Variants in ZC3H11A observed in about 807,000 individuals in gnomAD.
ZC3H11A encodes zinc finger CCCH-type containing 11A, also known as zinc finger CCCH domain-containing protein 11A.
ZC3H11A carries 22 observed loss-of-function variants against 90.8 expected under a neutral mutation model. The observed-to-expected ratio is 0.24, with a 90% CI of 0.17 to 0.35. The LOEUF (loss-of-function observed/expected upper bound fraction) is 0.35, where lower values mean the gene tolerates loss of function less well. Ranked by LOEUF, ZC3H11A falls within the 10% of genes least tolerant of loss-of-function variation. The probability of loss-of-function intolerance (pLI) is 1.00; values close to 1 mark genes in which losing one functional copy is unlikely to be tolerated. For missense variants in ZC3H11A, 701 were observed against 964.9 expected (o/e 0.73, Z 3.62); for synonymous variants, 294 against 339.8 (o/e 0.87, Z 1.48).
At chr1:203,805,136 A>G (rs1671861558) in intron 2 of ZC3H11A, among the ~76,000 whole-genome samples, 1 of 131,826 alleles carries the variant, frequency 7.6e-6, no homozygotes. Flanking sequence ...CTTCTGATAC[A>G]GTAGTGATTT....
intron 4 of ZC3H11A, among the ~76,000 whole-genome samples, chr1:203,821,569 C>G (rs1678711470): frequency 6.6e-6 from 1 of 152,158 alleles, no homozygotes; most frequent in South Asian, 2.1e-4. Flanking sequence ...CTGTACTTTT[C>G]CTACTTCAGC....
In ZC3H11A at chr1:203,847,549, C is replaced by T. The variant is rs1688216375; in HGVS notation, c.1408C>T (p.His470Tyr). Residue 470 changes from histidine (H) to tyrosine (Y), a missense_variant, in exon 13 of 18, where the codon CAC becomes TAC. This residue lies in a region of ZC3H11A where 530 missense variants were observed against 696.2 expected (regional missense o/e 0.76). Coordinates refer to ENST00000367210, the MANE Select transcript of ZC3H11A (RefSeq NM_001376342.1). ...TAAAACAAAGTCTATGCAGGAGGTG[C>T]ACATCAAGACGCTGGAAGAAATTAA... ...AGKTKSMQEV[H>Y]IKTLEEIKLE... 2 of 1,613,778 alleles carry T rather than the reference C, an allele frequency of 1.2e-6. No homozygotes were observed. Among genetic ancestry groups the T allele is most frequent in the Admixed American group, 1.7e-5 (1 of 59,992 alleles).
chr1:203,834,492 C>T (rs1683558964), intron 10 of ZC3H11A, among the ~76,000 whole-genome samples: 1 of 151,830 alleles, frequency 6.6e-6, no homozygotes, highest in East Asian at 1.9e-4. Flanking sequence ...GGCTGGTCTC[C>T]AACTCCTGGG....
chr1:203,796,757 CTA>C (rs1180077005), intron 1 of ZC3H11A: 3 of 294,724 alleles, frequency 1.0e-5, no homozygotes, highest in Non-Finnish European at 1.9e-5. Context: ...TATCTGAAAA[CTA>C]AACTTGAATT....
At chr1:203,813,679 G>A (rs1450327610) in intron 2 of ZC3H11A, among the ~76,000 whole-genome samples, 1 of 152,078 alleles carries the variant, frequency 6.6e-6, no homozygotes, top group Non-Finnish European at 1.5e-5. Context: ...AATGTTTTCA[G>A]CAGGGCCATT....
intron 15 of ZC3H11A, 102 bp downstream of exon 15, chr1:203,850,128 T>C: frequency 9.7e-7 from 1 of 1,033,722 alleles, no homozygotes; most frequent in Non-Finnish European, 1.4e-6. Context: ...TTGAATTTCA[T>C]TTGCCTTCTA....
At chr1:203,845,030 G>C (rs984929339) in intron 12 of ZC3H11A, among the ~76,000 whole-genome samples, 2 of 152,062 alleles carry the variant, frequency 1.3e-5, no homozygotes, top group African/African-American at 2.4e-5. Context: ...GGTTATGTCA[G>C]ATCCCACCGT....
rs373918473 is a variant in ZC3H11A, at chr1:203,835,045, C to G, written c.874+1192C>G. Among the ~76,000 whole-genome samples, 585 of 152,298 alleles carry G rather than the reference C, an allele frequency of 3.8e-3. 2 individuals are homozygous for G. Among genetic ancestry groups the G allele is most frequent in the Middle Eastern group, 0.031 (9 of 294 alleles). On this transcript the variant is annotated intron_variant, in intron 10 of 17. Transcript: ENST00000367210. ...CTTATCTATCTCTATTTTGTGTTGT[C>G]TTTGATGCAGTTCTCACTACCCTAT...
At chr1:203,836,109 A>G (rs936649990) in intron 10 of ZC3H11A, among the ~76,000 whole-genome samples, 7 of 152,332 alleles carry the variant, frequency 4.6e-5, no homozygotes, top group African/African-American at 1.4e-4. Context: ...TAAGCCAGGT[A>G]TGGTGGTGCA....
At chr1:203,803,852 C>T (rs1671282961) in intron 2 of ZC3H11A, among the ~76,000 whole-genome samples, 1 of 152,086 alleles carries the variant, frequency 6.6e-6, no homozygotes, top group South Asian at 2.1e-4. Flanking sequence ...AGCAGTCTTC[C>T]TGCCTTGGCC....
intron 2 of ZC3H11A, among the ~76,000 whole-genome samples, chr1:203,813,107 C>A (rs758180775): frequency 5.9e-5 from 9 of 152,150 alleles, no homozygotes; most frequent in Admixed American, 1.3e-4. Flanking sequence ...TTTCTCCCAG[C>A]CTGTGGCTTT....
intron 1 of ZC3H11A, chr1:203,799,043 T>C (rs1377698267): frequency 6.5e-6 from 10 of 1,536,034 alleles, no homozygotes; most frequent in Non-Finnish European, 8.7e-6. Context: ...CTTTGGAAAC[T>C]GCGTCTTTTC....
At chr1:203,811,491 A>G (rs1674482740) in intron 2 of ZC3H11A, among the ~76,000 whole-genome samples, 1 of 152,142 alleles carries the variant, frequency 6.6e-6, no homozygotes, top group Non-Finnish European at 1.5e-5. Flanking sequence ...ATTGACCTCT[A>G]AGCCTTTTAT....
chr1:203,838,117 C>A, intron 11 of ZC3H11A, 53 bp downstream of exon 11: 2 of 1,509,634 alleles, frequency 1.3e-6, no homozygotes, highest in South Asian at 2.3e-5. Context: ...ACACTTGTGT[C>A]TTGTAATGCT....
intron 4 of ZC3H11A, among the ~76,000 whole-genome samples, chr1:203,820,240 A>G (rs916137501): frequency 6.6e-6 from 1 of 150,528 alleles, no homozygotes; most frequent in African/African-American, 2.5e-5. Flanking sequence ...ATCTCAAGAA[A>G]AAAAAAAAAA....
At position 203,831,802 on chromosome 1, in the gene ZC3H11A, A is replaced by G. The variant is rs16852383; in HGVS notation, c.811+31A>G. The G allele has an allele frequency of 2.1e-3, 3,217 of 1,547,864 alleles. 76 individuals are homozygous for G. In the African/African-American group the frequency reaches 0.04, roughly 19 times the overall value. ...GTATAGATAGGTCTTAGAGTTGTCA[A>G]GCCTCTACTTTTATATAATTGGGAA... On this transcript the variant is annotated intron_variant, in intron 9 of 17. Transcript: ENST00000367210.
chr1:203,820,621 G>A (rs1435393797), intron 4 of ZC3H11A, among the ~76,000 whole-genome samples: 1 of 151,908 alleles, frequency 6.6e-6, no homozygotes, highest in Non-Finnish European at 1.5e-5. Flanking sequence ...GGGACAACGG[G>A]CATGCCTCAC....
intron 4 of ZC3H11A, among the ~76,000 whole-genome samples, chr1:203,820,355 T>TA (rs1678141219): frequency 6.6e-6 from 1 of 152,110 alleles, no homozygotes; most frequent in Non-Finnish European, 1.5e-5. Context: ...CCTTAACACT[T>TA]ATGGTAGCTA....
intron 2 of ZC3H11A, among the ~76,000 whole-genome samples, chr1:203,810,635 G>T (rs1291525236): frequency 6.6e-6 from 1 of 151,878 alleles, no homozygotes; most frequent in African/African-American, 2.4e-5. Flanking sequence ...CAGCCAGGAT[G>T]GTCTCGATCT....
Sources: gnomAD v4.1 joint callset for allele counts (sites outside exome capture counted in the v4.1 genomes callset) on GRCh38, gnomAD v4.1.1 for gene constraint, gnomAD v4.1.1 regional missense constraint, MANE v1.5 for transcripts, NCBI Gene and HGNC (gene_info 2026-07-23, HGNC 2026-07-21) for gene names.